Variants in DLG2 observed in about 807,000 individuals in gnomAD.
DLG2 encodes the protein discs large MAGUK scaffold protein 2, also known as disks large homolog 2.
Under a neutral mutation model 132.5 loss-of-function variants are expected in DLG2, and 45 were observed. The ratio of observed to expected loss-of-function variants is 0.34; its 90% CI spans 0.27 to 0.44. The LOEUF (loss-of-function observed/expected upper bound fraction) is 0.44. Ranked by LOEUF, DLG2 falls within the 20% of genes least tolerant of loss-of-function variation. DLG2 has a pLI of 1.00. For missense variants in DLG2, 1,045 were observed against 1,196.9 expected (o/e 0.87, Z 1.87); for synonymous variants, 424 against 419.6 (o/e 1.01, Z -0.13).
intron 8 of DLG2, among the ~76,000 whole-genome samples, chr11:84,237,625 T>C (rs1003780584): frequency 3.9e-5 from 6 of 152,176 alleles, no homozygotes; most frequent in African/African-American, 1.2e-4. Context: ...CTATACTTTG[T>C]CACCAAAAGT....
intron 6 of DLG2, among the ~76,000 whole-genome samples, chr11:85,006,125 C>T (rs2058640088): frequency 6.6e-6 from 1 of 152,112 alleles, no homozygotes; most frequent in Admixed American, 6.5e-5. Flanking sequence ...ATTCAGTTTG[C>T]CCATAGTTTA....
At chr11:85,512,128 G>A (rs2094086530) in intron 3 of DLG2, among the ~76,000 whole-genome samples, 1 of 151,950 alleles carries the variant, frequency 6.6e-6, no homozygotes, top group Non-Finnish European at 1.5e-5. Flanking sequence ...CATTGCCAAA[G>A]AACAGGTACA....
chr11:84,524,941 A>C (rs1458355602), intron 7 of DLG2, among the ~76,000 whole-genome samples: 3 of 152,008 alleles, frequency 2.0e-5, no homozygotes, highest in African/African-American at 7.3e-5. Context: ...AGGAACTACA[A>C]ATTTCTGTAT....
In DLG2 at chr11:84,307,304, T is replaced by G. The variant is rs567621782; in HGVS notation, c.520-56013A>C. Reference sequence around the variant, plus strand: ...TAAATGGGAGCTAAATATTGAGTACTCATGAACACAAAGGGGAACAATAGA... The same window carrying G: ...TAAATGGGAGCTAAATATTGAGTACGCATGAACACAAAGGGGAACAATAGA... On this transcript the variant is annotated intron_variant, in intron 7 of 27. Coordinates refer to ENST00000376104, the MANE Select transcript of DLG2 (RefSeq NM_001142699.3). Among the ~76,000 whole-genome samples the G allele has an allele frequency of 5.3e-5, 8 of 152,184 alleles. No homozygotes were observed. The South Asian group carries it at 1.0e-3, about 20-fold the overall frequency.
chr11:85,132,791 A>G (rs1302564531), intron 5 of DLG2: 2 of 456,686 alleles, frequency 4.4e-6, no homozygotes, highest in South Asian at 3.1e-5. Context: ...ATGCACAGGC[A>G]ATCCATCCTG....
chr11:85,544,732 G>C (rs1031597049), intron 3 of DLG2, among the ~76,000 whole-genome samples: 10 of 152,106 alleles, frequency 6.6e-5, no homozygotes, highest in Non-Finnish European at 1.2e-4. Flanking sequence ...GGATTCCTAG[G>C]TATTTTATTC....
intron 7 of DLG2, among the ~76,000 whole-genome samples, chr11:84,402,716 A>T (rs1340306548): frequency 6.6e-6 from 1 of 151,954 alleles, no homozygotes; most frequent in African/African-American, 2.4e-5. Flanking sequence ...CCCCGTCTCT[A>T]CTAAAAATAC....
intron 18 of DLG2, among the ~76,000 whole-genome samples, chr11:83,783,502 C>A (rs561856900): frequency 6.6e-6 from 1 of 152,098 alleles, no homozygotes; most frequent in African/African-American, 2.4e-5. Context: ...AAATGAAAAG[C>A]GCAAGTAGTG....
At chr11:85,599,818 G>A (rs896874659) in intron 2 of DLG2, among the ~76,000 whole-genome samples, 6 of 152,056 alleles carry the variant, frequency 3.9e-5, no homozygotes, top group Non-Finnish European at 7.4e-5. Context: ...ATTATTTTAT[G>A]ACTTCTTGAA....
At chr11:85,102,934 T>C (rs929543481) in intron 6 of DLG2, among the ~76,000 whole-genome samples, 5 of 152,012 alleles carry the variant, frequency 3.3e-5, no homozygotes, top group African/African-American at 7.2e-5. Flanking sequence ...AGGTTGCTGA[T>C]ACAAGATTAA....
intron 9 of DLG2, among the ~76,000 whole-genome samples, chr11:84,152,864 T>C (rs930860801): frequency 7.2e-5 from 11 of 152,308 alleles, no homozygotes; most frequent in African/African-American, 2.4e-4. Context: ...AAGGTTACTA[T>C]AGATATATGA....
intron 17 of DLG2, chr11:83,791,683 G>C: frequency 1.7e-5 from 5 of 290,480 alleles, no homozygotes; most frequent in Non-Finnish European, 3.3e-5. Flanking sequence ...CCTGTAATCC[G>C]AACACTTTGG....
rs540999796 is a variant in DLG2 at position 83,807,017 on chromosome 11, A to G, written c.1723-20225T>C. Among the ~76,000 whole-genome samples the G allele has an allele frequency of 2.0e-5, 3 of 152,256 alleles. 1 individual carries two copies. Among genetic ancestry groups the G allele is most frequent in the African/African-American group, 7.2e-5 (3 of 41,570 alleles). On this transcript the variant is annotated intron_variant, in intron 17 of 27. Transcript: ENST00000376104. ...TGGGAAGTATTAGGCAGACCACATAAATACAGCCTTAACTCCAAGCATTAC... is the reference window on the plus strand; with the variant it reads ...TGGGAAGTATTAGGCAGACCACATAGATACAGCCTTAACTCCAAGCATTAC...
chr11:85,271,334 T>C (rs2077515621), intron 4 of DLG2, among the ~76,000 whole-genome samples: 1 of 152,248 alleles, frequency 6.6e-6, no homozygotes, highest in Non-Finnish European at 1.5e-5. Flanking sequence ...TGGAAACATC[T>C]GAATGCCCAG....
At chr11:84,499,420 T>C (rs74611884) in intron 7 of DLG2, among the ~76,000 whole-genome samples, 1 of 152,320 alleles carries the variant, frequency 6.6e-6, no homozygotes, top group African/African-American at 2.4e-5. Flanking sequence ...CCCTATCCCA[T>C]GACCTTTACT....
chr11:84,316,779 C>A (rs1221534275), intron 7 of DLG2: 1 of 1,534,378 alleles, frequency 6.5e-7, no homozygotes, highest in Admixed American at 2.0e-5. Flanking sequence ...AACTTGCTCT[C>A]ACTTTCTTCA....
rs1315661514 is a variant in DLG2, at chr11:84,673,114, G to A, written c.358-138383C>T. ...CCACCAGGCCCCACCTCCAACATTAGGATTACAATTTGACATGACATTTGG... is the reference window on the plus strand; with the variant it reads ...CCACCAGGCCCCACCTCCAACATTAAGATTACAATTTGACATGACATTTGG... On this transcript the variant is annotated intron_variant, in intron 6 of 27. Coordinates refer to ENST00000376104, the MANE Select transcript of DLG2 (RefSeq NM_001142699.3). 6.6e-5 allele frequency among the ~76,000 whole-genome samples: 10 copies of A among 152,112 alleles called. No individual in the cohort carries two copies. In the East Asian group the frequency reaches 1.9e-3, roughly 30 times the overall value.
intron 15 of DLG2, among the ~76,000 whole-genome samples, chr11:83,903,416 T>G (rs2073983921): frequency 6.6e-6 from 1 of 152,168 alleles, no homozygotes; most frequent in Non-Finnish European, 1.5e-5. Context: ...ACTCCTGACC[T>G]TCTCTCTGGG....
intron 6 of DLG2, among the ~76,000 whole-genome samples, chr11:84,803,027 T>C (rs546383104): frequency 6.6e-6 from 1 of 152,248 alleles, no homozygotes; most frequent in East Asian, 1.9e-4. Context: ...CTCAATCTCC[T>C]GACCCTCGTG....
Sources: allele counts gnomAD v4.1 joint callset (sites outside exome capture counted in the v4.1 genomes callset), GRCh38; gene constraint gnomAD v4.1.1; transcripts MANE v1.5; gene names NCBI Gene and HGNC (gene_info 2026-07-23, HGNC 2026-07-21).